The following VDAC1 variants were observed in gnomAD, a reference collection of about 807,000 sequenced individuals.
VDAC1 encodes voltage dependent anion channel 1, also known as non-selective voltage-gated ion channel VDAC1.
In VDAC1, 10 loss-of-function variants were observed where a neutral mutation model predicts 34.7. That is an observed-to-expected ratio of 0.29 (90% CI 0.18 to 0.49). The LOEUF (loss-of-function observed/expected upper bound fraction) is 0.49. Among genes scored for constraint, VDAC1 ranks in the 20% least tolerant of loss-of-function variants. VDAC1 has a pLI of 0.99. For synonymous variants in VDAC1, 130 were observed against 136.0 expected, an observed-to-expected ratio of 0.96 and a Z score of 0.30; for missense variants, 230 against 347.9, an observed-to-expected ratio of 0.66 and a Z score of 2.69.
At chr5:134,006,771 C>A (rs1039678911), upstream of VDAC1, among the ~76,000 whole-genome samples, 18 of 119,782 alleles carry the variant, frequency 1.5e-4, no homozygotes, top group African/African-American at 4.5e-4. Context: ...CAAAAAAAAA[C>A]AACAACTTGG....
At chr5:134,111,695 G>A in the VDAC1 span, among the ~76,000 whole-genome samples, 1 of 151,894 alleles carries the variant, frequency 6.6e-6, no homozygotes, top group Non-Finnish European at 1.5e-5. Context: ...AGAAAGTCAG[G>A]GCTCCATATT....
At chr5:133,981,091 A>G in intron 5 of VDAC1, 135 bp from the exon 6 acceptor site, 1 of 688,610 alleles carries the variant, frequency 1.5e-6, no homozygotes. Flanking sequence ...GTTCTCCCTT[A>G]AGCCACTGCT....
intron 3 of VDAC1, among the ~76,000 whole-genome samples, chr5:133,991,961 G>A (rs1753119348): frequency 6.6e-6 from 1 of 152,124 alleles, no homozygotes; most frequent in Admixed American, 6.5e-5. Context: ...AATAAGCCAG[G>A]CGCAGTGGCT....
chr5:134,065,521 C>T, the VDAC1 span, among the ~76,000 whole-genome samples: 1 of 150,850 alleles, frequency 6.6e-6, no homozygotes, highest in African/African-American at 2.4e-5. Flanking sequence ...TTGTATTTTT[C>T]GTAGAGACAG....
chr5:134,055,350 C>A, the VDAC1 span, among the ~76,000 whole-genome samples: 1 of 152,118 alleles, frequency 6.6e-6, no homozygotes, highest in Non-Finnish European at 1.5e-5. Flanking sequence ...GTGTCTCAGG[C>A]GTGCACAAAT....
chr5:134,003,791 G>A (rs566090514), intron 1 of VDAC1, among the ~76,000 whole-genome samples: 7 of 152,300 alleles, frequency 4.6e-5, no homozygotes, highest in African/African-American at 1.7e-4. Context: ...AATTGCTCCC[G>A]TCCTATAGAT....
chr5:134,043,352 A>G, the VDAC1 span, among the ~76,000 whole-genome samples: 1 of 152,158 alleles, frequency 6.6e-6, no homozygotes, highest in Non-Finnish European at 1.5e-5. Context: ...AACGTACTCC[A>G]GGTCACACAG....
the VDAC1 span, among the ~76,000 whole-genome samples, chr5:134,110,947 A>T: frequency 6.6e-6 from 1 of 152,232 alleles, no homozygotes; most frequent in Admixed American, 6.5e-5. Flanking sequence ...ACGTTACATG[A>T]AGAGCCAATT....
chr5:134,022,111 T>TC, the VDAC1 span, among the ~76,000 whole-genome samples: 6 of 152,302 alleles, frequency 3.9e-5, no homozygotes, highest in Non-Finnish European at 7.3e-5. Context: ...ACTCCTGACC[T>TC]CAGGTGATCT....
the VDAC1 span, among the ~76,000 whole-genome samples, chr5:134,055,755 T>C: frequency 9.3e-6 from 1 of 107,962 alleles, no homozygotes; most frequent in Admixed American, 9.3e-5. Flanking sequence ...TTGTCTTTTT[T>C]TCTTTAAAAG....
At chr5:134,046,319 T>C in the VDAC1 span, among the ~76,000 whole-genome samples, 1 of 152,138 alleles carries the variant, frequency 6.6e-6, no homozygotes, top group Admixed American at 6.6e-5. Context: ...TGAGCCACCA[T>C]GCCCAGCCTT....
intron 6 of VDAC1, 65 bp from the exon 7 acceptor site, chr5:133,976,086 C>T: frequency 6.3e-7 from 1 of 1,596,672 alleles, no homozygotes; most frequent in Non-Finnish European, 8.6e-7. Flanking sequence ...CAGACAGATC[C>T]ACCCAAGTCT....
chr5:134,085,767 G>T, the VDAC1 span, among the ~76,000 whole-genome samples: 2 of 122,008 alleles, frequency 1.6e-5, no homozygotes, highest in Non-Finnish European at 3.4e-5. Flanking sequence ...CATTAGCTGA[G>T]TATGGTGGCA....
chr5:134,109,341 T>A, the VDAC1 span, among the ~76,000 whole-genome samples: 1 of 152,168 alleles, frequency 6.6e-6, no homozygotes, highest in African/African-American at 2.4e-5. Context: ...GCAGGCGTAT[T>A]CCTCTGTGAA....
chr5:134,099,975 G>A, the VDAC1 span, among the ~76,000 whole-genome samples: 2 of 152,234 alleles, frequency 1.3e-5, no homozygotes, highest in Admixed American at 6.5e-5. Context: ...CCCAGGCCTC[G>A]CTGGTACAGC....
the VDAC1 span, among the ~76,000 whole-genome samples, chr5:134,081,059 C>T: frequency 0.011 from 1,536 of 145,186 alleles, 23 homozygotes; most frequent in African/African-American, 0.037. Flanking sequence ...TTTTTTGAGA[C>T]GGAGTTTTGC....
intron 1 of VDAC1, among the ~76,000 whole-genome samples, chr5:134,002,505 C>A (rs1054656336): frequency 6.6e-6 from 1 of 152,182 alleles, no homozygotes; most frequent in Non-Finnish European, 1.5e-5. Flanking sequence ...CCCAGAAACA[C>A]CAGTTCAACA....
At chr5:134,074,475 G>A in the VDAC1 span, among the ~76,000 whole-genome samples, 2 of 152,086 alleles carry the variant, frequency 1.3e-5, no homozygotes, top group Non-Finnish European at 2.9e-5. Context: ...TTGGGCCCCA[G>A]GGAACTGACC....
At chr5:134,093,225 G>C in the VDAC1 span, among the ~76,000 whole-genome samples, 3 of 152,192 alleles carry the variant, frequency 2.0e-5, no homozygotes, top group African/African-American at 7.2e-5. Context: ...ATGCCCTGGG[G>C]GAAGCCCTTG....
Sources: gnomAD v4.1 joint callset for allele counts (sites outside exome capture counted in the v4.1 genomes callset) on GRCh38, gnomAD v4.1.1 for gene constraint, MANE v1.5 for transcripts, NCBI Gene and HGNC (gene_info 2026-07-23, HGNC 2026-07-21) for gene names.